Variants in RREB1 observed in about 807,000 individuals in gnomAD.
RREB1 encodes the protein ras responsive element binding protein 1, also known as ras-responsive element-binding protein 1.
A neutral mutation model predicts 117.8 loss-of-function variants in RREB1; 27 were observed. The observed-to-expected ratio is 0.23, with a 90% confidence interval of 0.17 to 0.32. The LOEUF (loss-of-function observed/expected upper bound fraction) is 0.32. Among genes scored for constraint, RREB1 ranks in the 10% least tolerant of loss-of-function variants. The pLI is 1.00. For missense variants in RREB1, 2,577 were observed against 2,378.2 expected, an observed-to-expected ratio of 1.08 and a Z score of -1.74; for synonymous variants, 1,298 against 1,026.7, an observed-to-expected ratio of 1.26 and a Z score of -5.05.
intron 6 of RREB1, among the ~76,000 whole-genome samples, chr6:7,194,459 A>G (rs556972528): frequency 2.6e-5 from 4 of 152,256 alleles, no homozygotes; most frequent in Admixed American, 2.6e-4. Flanking sequence ...GCTGAGGCAC[A>G]AGAATCGCTT....
At position 7,229,548 on chromosome 6, in the gene RREB1, G is replaced by C. The variant is rs764975605; in HGVS notation, c.1449G>C (p.Gln483His). 3.7e-6 allele frequency: 6 copies of C among 1,613,802 alleles called. No individual in the cohort carries two copies. Among genetic ancestry groups the C allele is most frequent in the Non-Finnish European group, 5.1e-6 (6 of 1,179,978 alleles). Residue 483 changes from glutamine to histidine, a missense_variant, in exon 10 of 13, where the codon CAG (glutamine) becomes CAC (histidine). Physicochemically the swap from Gln to His is conservative, Grantham distance 24 (BLOSUM62 0). Transcript: ENST00000379938. This position sits in a 1 kb window ranked among gnomAD's most constrained non-coding sequence, Gnocchi z 4.5. ...AGATGGCAGCCTCGGCTCCCCCTCA[G>C]ATCAGTCTTCCGCCCTTCTCCAAGG... ...ILKMAASAPPQISLPPFSKAP... is the reference protein window; with the variant it reads ...ILKMAASAPPHISLPPFSKAP...
intron 10 of RREB1, among the ~76,000 whole-genome samples, chr6:7,238,570 C>T (rs548173468): frequency 6.6e-6 from 1 of 152,262 alleles, no homozygotes; most frequent in Admixed American, 6.5e-5. Flanking sequence ...ACCATGAACA[C>T]TGACATACTG....
At chr6:7,120,558 G>A (rs1341463024) in intron 1 of RREB1, among the ~76,000 whole-genome samples, 1 of 152,174 alleles carries the variant, frequency 6.6e-6, no homozygotes, top group Non-Finnish European at 1.5e-5. Context: ...ACCAATGGCT[G>A]CCTCGTATTC....
Position 7,143,839 on chromosome 6 carries a change from C to G in RREB1, c.-284-32816C>G, listed in dbSNP as rs926158253. 4.5e-5 allele frequency among the ~76,000 whole-genome samples: 6 copies of G among 132,824 alleles called. No homozygotes were observed. In the Admixed American group the frequency reaches 5.0e-4, roughly 11 times the overall value. The allele number at this position is 132,824 out of a possible 152,430, so 87.1% of individuals were successfully genotyped here. On this transcript the variant is annotated intron_variant, in intron 1 of 12. Coordinates refer to ENST00000379938, the MANE Select transcript of RREB1 (RefSeq NM_001003699.4). ...GGCGACCAGTGTGCATCACTGCAGC[C>G]TTTTTTTCTTTCTTTTTTTTTTTTT...
At chr6:7,233,949 T>G (rs1052067599) in intron 10 of RREB1, among the ~76,000 whole-genome samples, 1 of 152,192 alleles carries the variant, frequency 6.6e-6, no homozygotes, top group Non-Finnish European at 1.5e-5. Context: ...GTGGCTGCAC[T>G]GGTCACCAGA....
intron 11 of RREB1, among the ~76,000 whole-genome samples, chr6:7,243,689 C>A (rs1047028439): frequency 6.6e-6 from 1 of 152,120 alleles, no homozygotes; most frequent in Non-Finnish European, 1.5e-5. Context: ...TACAACCAAG[C>A]CCCCTGTGTC....
intron 4 of RREB1, 69 bp from the exon 5 acceptor site, chr6:7,187,365 T>C (rs965709618): frequency 1.4e-5 from 14 of 970,356 alleles, no homozygotes; most frequent in Middle Eastern, 2.1e-4. Context: ...ATTACACTTA[T>C]TACAGAAAGA....
At chr6:7,247,944 G>T (rs1050492928) in intron 12 of RREB1, among the ~76,000 whole-genome samples, 1 of 152,122 alleles carries the variant, frequency 6.6e-6, no homozygotes, top group Non-Finnish European at 1.5e-5. Context: ...CATGTGCCCC[G>T]ACCCAGCGCA....
In RREB1 at chr6:7,229,019, G is replaced by A. The variant is rs766731211; in HGVS notation, c.920G>A (p.Arg307Gln). 23 of 1,532,948 alleles carry A rather than the reference G, an allele frequency of 1.5e-5. No homozygotes were observed. Among genetic ancestry groups the A allele is most frequent in the African/African-American group, 2.8e-5 (2 of 72,436 alleles). 95.0% of individuals were successfully genotyped at this position (1,532,948 alleles called of 1,614,324 possible). A position where few individuals can be genotyped will look rare whatever the true frequency, so the allele number is the denominator to read the frequency against. The stretch of plus-strand genomic sequence containing the variant: ...TAGGCCTGGTGCGAAACAAACCTGC[G>A]GAGGTGCATCAGCGAGCAACACCGT... ...ISQAWCETNL[R>Q]RCISEQHRFV... The change falls in exon 10 of 13, where the codon CGG becomes CAG. Residue 307 changes from arginine to glutamine, a missense_variant. Transcript: ENST00000379938. This position sits in a 1 kb window ranked among gnomAD's most constrained non-coding sequence, Gnocchi z 4.5.
At chr6:7,195,533 G>A (rs1021923202) in intron 6 of RREB1, among the ~76,000 whole-genome samples, 7 of 152,206 alleles carry the variant, frequency 4.6e-5, no homozygotes, top group African/African-American at 9.6e-5. Flanking sequence ...GCCCTGGGAT[G>A]TGTGTGCAGG....
At position 7,247,004 on chromosome 6, in the gene RREB1, G is replaced by C. The variant is rs745480726; in HGVS notation, c.4554G>C (p.Pro1518=). ...CGGCCCCGGGTGCCGGGGAGGCCCC[G>C]GCGGAAAAGCTCGCGGAGGAGACGG... ...VESAPGAGEA[P]AEKLAEETEG... The change falls in exon 12 of 13, where the codon CCG becomes CCC. Residue 1518 remains proline (P), a synonymous_variant. Coordinates refer to ENST00000379938, the MANE Select transcript of RREB1 (RefSeq NM_001003699.4). 9.3e-6 allele frequency: 15 copies of C among 1,604,484 alleles called. No individual in the cohort carries two copies. The highest frequency in any genetic ancestry group is 1.1e-5 in the Non-Finnish European group (13 of 1,175,886).
chr6:7,122,987 T>C (rs768308185), intron 1 of RREB1, among the ~76,000 whole-genome samples: 2 of 152,230 alleles, frequency 1.3e-5, no homozygotes, highest in Admixed American at 6.5e-5. Flanking sequence ...ATACTCTCTG[T>C]TGGGTAATGT....
intron 1 of RREB1, 146 bp from the exon 2 acceptor site, chr6:7,176,509 G>C (rs1339213637): frequency 6.5e-6 from 1 of 152,716 alleles, no homozygotes; most frequent in Non-Finnish European, 1.5e-5. Context: ...GATGGAATCA[G>C]CCTGGCTCCT....
intron 8 of RREB1, among the ~76,000 whole-genome samples, chr6:7,219,640 G>T (rs9379081): frequency 0.11 from 17,132 of 152,128 alleles, 2,037 homozygotes; most frequent in African/African-American, 0.29. Flanking sequence ...TGTGGGATTT[G>T]GCTTGTCTGT....
intron 6 of RREB1, 61 bp from the exon 7 acceptor site, chr6:7,210,743 A>G: frequency 1.3e-6 from 2 of 1,492,534 alleles, no homozygotes; most frequent in Non-Finnish European, 9.1e-7. Flanking sequence ...TAAAATATTA[A>G]AAACATAAAT....
chr6:7,219,439 TG>T (rs1767109519), intron 8 of RREB1, among the ~76,000 whole-genome samples: 1 of 152,196 alleles, frequency 6.6e-6, no homozygotes, highest in African/African-American at 2.4e-5. Context: ...TGGAGCTGGT[TG>T]GTCCCACCCC....
intron 1 of RREB1, among the ~76,000 whole-genome samples, chr6:7,145,587 C>T (rs898125714): frequency 7.2e-5 from 11 of 151,968 alleles, no homozygotes; most frequent in African/African-American, 1.9e-4. Context: ...TGTTCAAGTG[C>T]GTGAAAACTG....
Position 7,142,177 on chromosome 6 carries a change from C to T in RREB1, c.-285+34117C>T, listed in dbSNP as rs903842892. Among the ~76,000 whole-genome samples, 11 of 151,694 alleles carry T rather than the reference C, an allele frequency of 7.3e-5. 1 individual carries two copies. The highest frequency in any genetic ancestry group is 4.4e-5 in the Non-Finnish European group (3 of 67,926). On this transcript the variant is annotated intron_variant, in intron 1 of 12. Transcript: ENST00000379938. Reference sequence around the variant, plus strand: ...TTGCAGTGAGCCGAGATCGCGCCACCGCACTCCAGCCTGGGCAACAAGAGT... The same window carrying T: ...TTGCAGTGAGCCGAGATCGCGCCACTGCACTCCAGCCTGGGCAACAAGAGT...
rs2113124386 is a variant in RREB1, at chr6:7,231,800, C to T, written c.3701C>T (p.Ala1234Val). The change falls in exon 10 of 13, where the codon GCC becomes GTC. Residue 1234 changes from alanine to valine, a missense_variant. By Grantham distance (64) the Ala-to-Val change is moderately conservative. Transcript: ENST00000379938. ...CCCCCAGAAGACAAGCTGCTGAGGG[C>T]CAAGCGGAACTCGTACACCAACTGC... ...GSPPEDKLLR[A>V]KRNSYTNCLQ... The T allele has an allele frequency of 1.9e-6, 3 of 1,613,696 alleles. No individual in the cohort carries two copies. The highest frequency in any genetic ancestry group is 1.7e-6 in the Non-Finnish European group (2 of 1,180,022).
Sources: allele counts gnomAD v4.1 joint callset (sites outside exome capture counted in the v4.1 genomes callset), GRCh38; gene constraint gnomAD v4.1.1; non-coding constraint Gnocchi (gnomAD v3.1); transcripts MANE v1.5; gene names NCBI Gene and HGNC (gene_info 2026-07-23, HGNC 2026-07-21).